DAB1: variants seen among roughly 807,000 people sequenced by gnomAD.
The protein encoded by DAB1 is disabled homolog 1.
A neutral mutation model predicts 64.6 loss-of-function variants in DAB1; 15 were observed. The ratio of observed to expected loss-of-function variants is 0.23; its 90% CI spans 0.16 to 0.36. The LOEUF (loss-of-function observed/expected upper bound fraction) is 0.36. DAB1 is among the 10% of genes least tolerant of loss of function. The pLI, the probability that DAB1 is intolerant of heterozygous loss-of-function variation, is 1.00. For synonymous variants in DAB1, 235 were observed against 251.9 expected (o/e 0.93, Z 0.64); for missense variants, 596 against 706.7 (o/e 0.84, Z 1.78).
At chr1:57,076,546 C>T (rs1652008321) in intron 4 of DAB1, among the ~76,000 whole-genome samples, 1 of 152,158 alleles carries the variant, frequency 6.6e-6, no homozygotes, top group Non-Finnish European at 1.5e-5. Context: ...TCTGACCTTC[C>T]TATGCATGAA....
chr1:57,534,568 T>C (rs929484574), intron 7 of DAB1, among the ~76,000 whole-genome samples: 18 of 152,184 alleles, frequency 1.2e-4, no homozygotes, highest in African/African-American at 4.3e-4. Flanking sequence ...CCCTCCCAGT[T>C]CATAAGGGAG....
intron 4 of DAB1, among the ~76,000 whole-genome samples, chr1:58,283,444 C>T (rs1285494514): frequency 1.3e-5 from 2 of 152,090 alleles, no homozygotes; most frequent in Admixed American, 6.6e-5. Flanking sequence ...CCTGACCACC[C>T]TACCCCTTTC....
chr1:58,075,901 G>A (rs1163250049), intron 5 of DAB1, among the ~76,000 whole-genome samples: 5 of 151,840 alleles, frequency 3.3e-5, no homozygotes, highest in Non-Finnish European at 5.9e-5. Context: ...TTTCACCAAC[G>A]CTATTGAGAA....
intron 9 of DAB1, among the ~76,000 whole-genome samples, chr1:57,046,532 A>T (rs1648518886): frequency 6.6e-6 from 1 of 152,246 alleles, no homozygotes; most frequent in African/African-American, 2.4e-5. Flanking sequence ...GAAAAGCTGA[A>T]TTACTGTACT....
rs142667986 is a variant in DAB1, at chr1:57,481,993, A to ATTTGT, written n.625+167594_625+167598dup. Among the ~76,000 whole-genome samples, 394 of 152,298 alleles carry ATTTGT rather than the reference A, an allele frequency of 2.6e-3. 3 individuals are homozygous for ATTTGT. Among genetic ancestry groups the ATTTGT allele is most frequent in the African/African-American group, 8.9e-3 (369 of 41,568 alleles). ...GATTAAATATTCATTTTTAGGATAC[A>ATTTGT]TTTGTTTTAAATTTAACACATGGAT... On this transcript the variant is annotated intron_variant and non_coding_transcript_variant, in intron 7 of 20. Transcript: ENST00000485760.
intron 2 of DAB1, among the ~76,000 whole-genome samples, chr1:57,207,913 A>AT (rs1193308752): frequency 6.6e-6 from 1 of 152,218 alleles, no homozygotes; most frequent in African/African-American, 2.4e-5. Flanking sequence ...GTCAGGTCAC[A>AT]TAAAAAGTGT....
At chr1:58,125,627 G>A (rs766751501) in intron 5 of DAB1, among the ~76,000 whole-genome samples, 28 of 151,766 alleles carry the variant, frequency 1.8e-4, no homozygotes, top group Non-Finnish European at 2.4e-4. Context: ...AAAATGTTTT[G>A]CGGAGACAAG....
At chr1:57,265,352 G>A (rs1201009556) in intron 2 of DAB1, among the ~76,000 whole-genome samples, 1 of 152,178 alleles carries the variant, frequency 6.6e-6, no homozygotes, top group Non-Finnish European at 1.5e-5. Flanking sequence ...CAGTTTTCAT[G>A]AGTGACAGAC....
intron 4 of DAB1, among the ~76,000 whole-genome samples, chr1:58,324,727 T>C (rs1426345264): frequency 6.6e-6 from 1 of 152,184 alleles, no homozygotes; most frequent in Non-Finnish European, 1.5e-5. Flanking sequence ...TAGAGTCCCT[T>C]GAAGAAAAGG....
chr1:58,110,947 C>G (rs575511365), intron 5 of DAB1, among the ~76,000 whole-genome samples: 80 of 152,312 alleles, frequency 5.3e-4, no homozygotes, highest in African/African-American at 1.9e-3. Context: ...TTACAACTCT[C>G]TTTTCTTCAT....
intron 6 of DAB1, among the ~76,000 whole-genome samples, chr1:57,672,010 C>T (rs1646515773): frequency 6.6e-6 from 1 of 152,030 alleles, no homozygotes; most frequent in Non-Finnish European, 1.5e-5. Context: ...TCTCTTGCAT[C>T]CAGCACTATG....
At chr1:58,507,444 A>G (rs936994071) in intron 2 of DAB1, among the ~76,000 whole-genome samples, 3 of 152,122 alleles carry the variant, frequency 2.0e-5, no homozygotes, top group African/African-American at 7.2e-5. Flanking sequence ...TCCAAATGTT[A>G]GCAAAATAAA....
chr1:58,401,221 C>T (rs1316143079), intron 3 of DAB1, among the ~76,000 whole-genome samples: 3 of 152,172 alleles, frequency 2.0e-5, no homozygotes, highest in African/African-American at 7.2e-5. Context: ...CCTGGAAGAC[C>T]CAAGTGTGAT....
intron 1 of DAB1, among the ~76,000 whole-genome samples, chr1:57,850,898 G>C (rs186494112): frequency 5.9e-5 from 9 of 151,922 alleles, no homozygotes; most frequent in Non-Finnish European, 1.2e-4. Context: ...GTGGCTCCTC[G>C]CCCATTCCTT....
At chr1:57,190,853 C>T (rs1252519082) in intron 2 of DAB1, among the ~76,000 whole-genome samples, 1 of 152,140 alleles carries the variant, frequency 6.6e-6, no homozygotes, top group Admixed American at 6.6e-5. Context: ...ATTTAATCCT[C>T]TAAAGTGCAG....
chr1:58,225,496 T>A (rs1410365543), intron 4 of DAB1, among the ~76,000 whole-genome samples: 2 of 151,842 alleles, frequency 1.3e-5, no homozygotes, highest in African/African-American at 4.8e-5. Flanking sequence ...CATGCTGCTA[T>A]AAAGACACAT....
chr1:57,736,212 T>C (rs55989597), intron 6 of DAB1, among the ~76,000 whole-genome samples: 26,596 of 152,128 alleles, frequency 0.17, 2,976 homozygotes, highest in Admixed American at 0.29. Flanking sequence ...ATTGTTATCA[T>C]TTTTCTTCTT....
chr1:57,545,696 T>C (rs1644848732), intron 7 of DAB1, among the ~76,000 whole-genome samples: 1 of 152,184 alleles, frequency 6.6e-6, no homozygotes, highest in Non-Finnish European at 1.5e-5. Flanking sequence ...TCAAAATTCA[T>C]AGCTTCTTCC....
At chr1:57,353,738 C>T (rs925734262) in intron 1 of DAB1, among the ~76,000 whole-genome samples, 7 of 152,128 alleles carry the variant, frequency 4.6e-5, no homozygotes, top group Non-Finnish European at 8.8e-5. Context: ...GTTGCTTTTG[C>T]TACAGCTCCC....
Sources: allele counts gnomAD v4.1 joint callset (sites outside exome capture counted in the v4.1 genomes callset), GRCh38; gene constraint gnomAD v4.1.1; transcripts MANE v1.5; gene names NCBI Gene and HGNC (gene_info 2026-07-23, HGNC 2026-07-21).